Variants in SPAG16 observed in about 807,000 individuals in gnomAD.
SPAG16 encodes the protein sperm associated antigen 16.
Under a neutral mutation model 80.4 loss-of-function variants are expected in SPAG16, and 86 were observed. That is an observed-to-expected ratio of 1.07 (90% CI 0.90 to 1.28). SPAG16 has a LOEUF of 1.28. SPAG16 is among the 50% of genes most tolerant of loss of function. The pLI is 0.00. For missense variants in SPAG16, 870 were observed against 765.3 expected (o/e 1.14, Z -1.61); for synonymous variants, 294 against 265.9 (o/e 1.11, Z -1.03).
In SPAG16 at chr2:214,064,056, A is replaced by T. The variant is rs1166052134; in HGVS notation, c.1528-44140A>T. 7.9e-5 allele frequency among the ~76,000 whole-genome samples: 12 copies of T among 152,128 alleles called. No individual in the cohort carries two copies. In the East Asian group the frequency reaches 2.3e-3, roughly 29 times the overall value. On this transcript the variant is annotated intron_variant, in intron 13 of 15. Transcript: ENST00000331683. Reference sequence around the variant, plus strand: ...TAGAGTCATGTACTGATTTTGAGAGATATTCAGGATATTTTGGCAAAGAAC... The same window carrying T: ...TAGAGTCATGTACTGATTTTGAGAGTTATTCAGGATATTTTGGCAAAGAAC...
chr2:214,232,315 A>G (rs1688753952), intron 15 of SPAG16, among the ~76,000 whole-genome samples: 1 of 152,022 alleles, frequency 6.6e-6, no homozygotes, highest in African/African-American at 2.4e-5. Context: ...CTAAATTGGT[A>G]TGAAATATTT....
chr2:214,210,296 G>GT (rs1185936631), intron 15 of SPAG16, among the ~76,000 whole-genome samples: 2 of 151,856 alleles, frequency 1.3e-5, no homozygotes, highest in Non-Finnish European at 1.5e-5. Flanking sequence ...TTTTCAATAA[G>GT]TTTACTGAAA....
chr2:214,333,246 G>T (rs1173598997), intron 15 of SPAG16, among the ~76,000 whole-genome samples: 1 of 152,136 alleles, frequency 6.6e-6, no homozygotes, highest in Non-Finnish European at 1.5e-5. Flanking sequence ...TCAGCTTCTC[G>T]ATTATATATG....
At chr2:213,644,129 G>T (rs2062731758) in intron 10 of SPAG16, among the ~76,000 whole-genome samples, 2 of 150,812 alleles carry the variant, frequency 1.3e-5, no homozygotes, top group African/African-American at 4.9e-5. Context: ...TTATGAAAGG[G>T]CTCTGATGCA....
At chr2:213,400,275 AC>A (rs1216409962) in intron 9 of SPAG16, among the ~76,000 whole-genome samples, 1 of 152,172 alleles carries the variant, frequency 6.6e-6, no homozygotes, top group Non-Finnish European at 1.5e-5. Context: ...TATTTTAAGT[AC>A]TTAATACTAT....
At chr2:213,561,812 C>G (rs552702050) in intron 10 of SPAG16, among the ~76,000 whole-genome samples, 11 of 152,204 alleles carry the variant, frequency 7.2e-5, no homozygotes, top group Admixed American at 5.9e-4. Context: ...TGTACTCCAG[C>G]TCTGTTATCA....
intron 11 of SPAG16, among the ~76,000 whole-genome samples, chr2:213,875,991 T>C (rs1310502004): frequency 6.6e-6 from 1 of 152,086 alleles, no homozygotes; most frequent in Non-Finnish European, 1.5e-5. Context: ...AGTATATATA[T>C]TAAACACAGC....
chr2:213,944,059 C>G (rs1377111023), intron 12 of SPAG16, among the ~76,000 whole-genome samples: 1 of 152,228 alleles, frequency 6.6e-6, no homozygotes, highest in Admixed American at 6.5e-5. Flanking sequence ...GGCTGCCACT[C>G]TCACCAAAGG....
chr2:213,712,509 T>C (rs2066044305), intron 10 of SPAG16, among the ~76,000 whole-genome samples: 1 of 152,134 alleles, frequency 6.6e-6, no homozygotes, highest in African/African-American at 2.4e-5. Flanking sequence ...TTGTAAAAGA[T>C]GACAAGAGAA....
At chr2:214,274,456 T>G (rs1692292244) in intron 15 of SPAG16, among the ~76,000 whole-genome samples, 1 of 152,190 alleles carries the variant, frequency 6.6e-6, no homozygotes, top group African/African-American at 2.4e-5. Context: ...CTTACTATTT[T>G]GAGATATGTT....
At chr2:214,229,552 A>T (rs1281493590) in intron 15 of SPAG16, among the ~76,000 whole-genome samples, 1 of 151,822 alleles carries the variant, frequency 6.6e-6, no homozygotes, top group African/African-American at 2.4e-5. Flanking sequence ...GAAATCCAAA[A>T]TGTTTTCAAT....
chr2:213,411,721 C>T (rs2125397118), intron 9 of SPAG16, among the ~76,000 whole-genome samples: 1 of 152,250 alleles, frequency 6.6e-6, no homozygotes, highest in East Asian at 1.9e-4. Context: ...TTATTTCCCT[C>T]GCAGCCGTAA....
intron 14 of SPAG16, among the ~76,000 whole-genome samples, chr2:214,147,554 C>G (rs960333542): frequency 6.6e-6 from 1 of 152,116 alleles, no homozygotes; most frequent in Non-Finnish European, 1.5e-5. Flanking sequence ...ATTGAAAGCC[C>G]TTATATTTGG....
chr2:214,224,894 A>G (rs527934032), intron 15 of SPAG16, among the ~76,000 whole-genome samples: 2 of 152,158 alleles, frequency 1.3e-5, no homozygotes, highest in Non-Finnish European at 2.9e-5. Context: ...GGTTGTCAAT[A>G]TGTGGGCAGG....
intron 10 of SPAG16, among the ~76,000 whole-genome samples, chr2:213,813,845 C>T: frequency 6.6e-6 from 1 of 152,120 alleles, no homozygotes; most frequent in Non-Finnish European, 1.5e-5. Flanking sequence ...AACACACACA[C>T]ATCAAAAAAT....
chr2:213,902,259 A>G (rs981070277), intron 11 of SPAG16, among the ~76,000 whole-genome samples: 1 of 152,226 alleles, frequency 6.6e-6, no homozygotes, highest in Admixed American at 6.5e-5. Context: ...AGGAAAGCAA[A>G]TAAACAAGAA....
chr2:213,632,455 C>T (rs1208372975), intron 10 of SPAG16, among the ~76,000 whole-genome samples: 1 of 152,010 alleles, frequency 6.6e-6, no homozygotes, highest in African/African-American at 2.4e-5. Context: ...CTTGGATGAC[C>T]TTTATATCTT....
intron 10 of SPAG16, among the ~76,000 whole-genome samples, chr2:213,855,496 A>G (rs566110050): frequency 6.6e-6 from 1 of 152,340 alleles, no homozygotes; most frequent in South Asian, 2.1e-4. Flanking sequence ...ATTTTATCGC[A>G]TTTCACTTTG....
intron 10 of SPAG16, among the ~76,000 whole-genome samples, chr2:213,556,311 C>CAAAAA (rs1559251236): frequency 1.3e-5 from 1 of 76,934 alleles, no homozygotes; most frequent in African/African-American, 3.6e-5. Context: ...AAAAAAAAAA[C>CAAAAA]CAAAAAAAAA....
Sources: gnomAD v4.1 joint callset for allele counts (sites outside exome capture counted in the v4.1 genomes callset) on GRCh38, gnomAD v4.1.1 for gene constraint, MANE v1.5 for transcripts, NCBI Gene and HGNC (gene_info 2026-07-23, HGNC 2026-07-21) for gene names.